The following TAF12 variants were observed in gnomAD, a reference collection of about 807,000 sequenced individuals.
The protein encoded by TAF12 is TATA-box binding protein associated factor 12.
Under a neutral mutation model 20.8 loss-of-function variants are expected in TAF12, and 3 were observed. The ratio of observed to expected loss-of-function variants is 0.14; its 90% CI spans 0.07 to 0.37. The LOEUF (loss-of-function observed/expected upper bound fraction) is 0.37. Among genes scored for constraint, TAF12 ranks in the 10% least tolerant of loss-of-function variants. TAF12 has a pLI of 1.00. For synonymous variants in TAF12, 69 were observed against 70.2 expected, an observed-to-expected ratio of 0.98 and a Z score of 0.09; for missense variants, 131 against 197.9, an observed-to-expected ratio of 0.66 and a Z score of 2.03.
At chr1:28,604,652 G>A (rs1325466536) in intron 5 of TAF12, among the ~76,000 whole-genome samples, 2 of 152,150 alleles carry the variant, frequency 1.3e-5, no homozygotes, top group African/African-American at 2.4e-5. Flanking sequence ...TACAAACACC[G>A]GCTCCAGAGA....
In TAF12 at chr1:28,639,506, G is replaced by A. The variant is rs116913046; in HGVS notation, c.-85+3486C>T. Among the ~76,000 whole-genome samples the A allele has an allele frequency of 9.8e-4, 148 of 150,638 alleles. No homozygotes were observed. In the East Asian group the frequency reaches 0.02, roughly 20 times the overall value. Reference sequence around the variant, plus strand: ...ATTATAATGCAATGATTTTCTGATCGGGTATTTTGAAGTCCTATTATAATA... The same window carrying A: ...ATTATAATGCAATGATTTTCTGATCAGGTATTTTGAAGTCCTATTATAATA... On this transcript the variant is annotated intron_variant, in intron 1 of 5. Transcript: ENST00000373824.
intron 1 of TAF12, among the ~76,000 whole-genome samples, chr1:28,635,874 T>C (rs1205558253): frequency 6.6e-6 from 1 of 151,786 alleles, no homozygotes; most frequent in Non-Finnish European, 1.5e-5. Flanking sequence ...GAAGAAAAGG[T>C]AGCCTTCAAA....
Position 28,639,426 on chromosome 1 carries a change from C to CAAAAAAAAAAAAAAAAAAA in TAF12, c.-85+3565_-85+3566insTTTTTTTTTTTTTTTTTTT, listed in dbSNP as rs58772752. Among the ~76,000 whole-genome samples, 36 of 89,428 alleles carry CAAAAAAAAAAAAAAAAAAA rather than the reference C, an allele frequency of 4.0e-4. 1 individual carries two copies. Among genetic ancestry groups the CAAAAAAAAAAAAAAAAAAA allele is most frequent in the African/African-American group, 5.8e-4 (12 of 20,546 alleles). 58.7% of individuals were successfully genotyped at this position (89,428 alleles called of 152,430 possible). A position where few individuals can be genotyped will look rare whatever the true frequency, so the allele number is the denominator to read the frequency against. On this transcript the variant is annotated intron_variant, in intron 1 of 5. Coordinates refer to ENST00000373824, the MANE Select transcript of TAF12 (RefSeq NM_005644.4). Reference sequence around the variant, plus strand: ...AGTGAAAGAGCGAAACTCCGTCTCACAAAAAAAAAAAAAAAGGTAATATGT... The same window carrying CAAAAAAAAAAAAAAAAAAA: ...AGTGAAAGAGCGAAACTCCGTCTCACAAAAAAAAAAAAAAAAAAAAAAAAAAAAAAAAAAGGTAATATGT...
At chr1:28,647,694 A>G (rs1668232390), upstream of TAF12, among the ~76,000 whole-genome samples, 2 of 152,150 alleles carry the variant, frequency 1.3e-5, no homozygotes, top group Non-Finnish European at 2.9e-5. Flanking sequence ...TAACATGGTG[A>G]AACCCCCGTC....
chr1:28,617,471 T>G (rs1159406651), intron 3 of TAF12, among the ~76,000 whole-genome samples: 1 of 150,856 alleles, frequency 6.6e-6, no homozygotes. Flanking sequence ...TTTTTTGAGA[T>G]GGAGTCTTGC....
At chr1:28,636,490 A>T (rs1451251254) in intron 1 of TAF12, among the ~76,000 whole-genome samples, 1 of 152,022 alleles carries the variant, frequency 6.6e-6, no homozygotes. Flanking sequence ...TGAAAAAATT[A>T]AGTTAATAAT....
intron 1 of TAF12, among the ~76,000 whole-genome samples, chr1:28,628,296 T>G (rs1297906772): frequency 3.9e-5 from 4 of 101,814 alleles, no homozygotes; most frequent in Admixed American, 1.5e-4. Flanking sequence ...ACCCAGGAGG[T>G]GGAGGTTGCA....
intron 1 of TAF12, among the ~76,000 whole-genome samples, chr1:28,626,770 TGGGG>T (rs1667412928): frequency 6.8e-6 from 1 of 146,046 alleles, no homozygotes; most frequent in Non-Finnish European, 1.5e-5. Flanking sequence ...ATTAGCCAGG[TGGGG>T]TGGCAGGTGC....
chr1:28,623,382 G>A (rs189601190), intron 1 of TAF12, among the ~76,000 whole-genome samples: 125 of 151,956 alleles, frequency 8.2e-4, no homozygotes, highest in African/African-American at 2.6e-3. Flanking sequence ...TTAGCCGGGC[G>A]TGGTGACACA....
intron 3 of TAF12, among the ~76,000 whole-genome samples, chr1:28,617,452 TC>T (rs1055049116): frequency 4.0e-5 from 6 of 151,686 alleles, no homozygotes; most frequent in Non-Finnish European, 5.9e-5. Flanking sequence ...TAATTTTTTT[TC>T]TTTTTTTTTT....
intron 4 of TAF12, among the ~76,000 whole-genome samples, chr1:28,611,161 G>A (rs1369897738): frequency 2.0e-5 from 3 of 151,400 alleles, no homozygotes; most frequent in African/African-American, 7.3e-5. Context: ...TGCCACATAA[G>A]AAGTCTAGCT....
intron 1 of TAF12, among the ~76,000 whole-genome samples, chr1:28,640,463 G>T (rs532793925): frequency 6.6e-6 from 1 of 152,274 alleles, no homozygotes; most frequent in South Asian, 2.1e-4. Flanking sequence ...TGTAACTGGG[G>T]TTGGGTCACT....
chr1:28,637,096 T>C (rs935324370), intron 1 of TAF12, among the ~76,000 whole-genome samples: 6 of 152,052 alleles, frequency 3.9e-5, no homozygotes, highest in Non-Finnish European at 5.9e-5. Flanking sequence ...AACAGAAGAA[T>C]GGTGGATTGG....
chr1:28,612,299 A>C (rs1666884858), intron 4 of TAF12, among the ~76,000 whole-genome samples: 1 of 151,604 alleles, frequency 6.6e-6, no homozygotes, highest in Non-Finnish European at 1.5e-5. Flanking sequence ...AAAATACAAA[A>C]ATTAGCCAGG....
upstream of TAF12, among the ~76,000 whole-genome samples, chr1:28,647,763 A>G (rs1460655070): frequency 6.6e-6 from 1 of 151,990 alleles, no homozygotes; most frequent in Non-Finnish European, 1.5e-5. Flanking sequence ...AGTCCTAGCT[A>G]CTTGGGAGGC....
At chr1:28,626,818 G>A (rs150277683) in intron 1 of TAF12, among the ~76,000 whole-genome samples, 5,842 of 151,968 alleles carry the variant, frequency 0.038, 355 homozygotes, top group African/African-American at 0.13. Context: ...GCTGAGGCAG[G>A]AGAATCACTT....
intron 3 of TAF12, among the ~76,000 whole-genome samples, chr1:28,617,484 T>C (rs1046400796): frequency 2.4e-4 from 37 of 151,582 alleles, no homozygotes; most frequent in Non-Finnish European, 4.9e-4. Flanking sequence ...AGTCTTGCTC[T>C]GTCGCCTAGG....
exon 1 of TAF12, chr1:28,648,258 T>G (rs576588243): frequency 1.0e-6 from 1 of 985,288 alleles, no homozygotes; most frequent in African/African-American, 1.7e-5. Context: ...TCGTGAGCAG[T>G]TGACAAGAAA....
At position 28,639,426 on chromosome 1, in the gene TAF12, C is replaced by CAAA. The variant is rs58772752; in HGVS notation, c.-85+3563_-85+3565dup. ...AGTGAAAGAGCGAAACTCCGTCTCA[C>CAAA]AAAAAAAAAAAAAAAGGTAATATGT... On this transcript the variant is annotated intron_variant, in intron 1 of 5. Coordinates refer to ENST00000373824, the MANE Select transcript of TAF12 (RefSeq NM_005644.4). 1.3e-4 allele frequency among the ~76,000 whole-genome samples: 12 copies of CAAA among 89,512 alleles called. 1 individual carries two copies. The highest frequency in any genetic ancestry group is 2.4e-4 in the Admixed American group (2 of 8,308). 58.7% of individuals were successfully genotyped at this position (89,512 alleles called of 152,430 possible).
Sources: allele counts gnomAD v4.1 joint callset (sites outside exome capture counted in the v4.1 genomes callset), GRCh38; gene constraint gnomAD v4.1.1; transcripts MANE v1.5; gene names NCBI Gene and HGNC (gene_info 2026-07-23, HGNC 2026-07-21).